Variants in UBE2E1 observed in about 807,000 individuals in gnomAD.
UBE2E1 encodes ubiquitin conjugating enzyme E2 E1.
In UBE2E1, 6 loss-of-function variants were observed where a neutral mutation model predicts 21.4. That is an observed-to-expected ratio of 0.28 (90% CI 0.15 to 0.55). The LOEUF (loss-of-function observed/expected upper bound fraction) is 0.55, where lower values mean the gene tolerates loss of function less well. UBE2E1 is among the 20% of genes least tolerant of loss of function. UBE2E1 has a pLI of 0.93. For missense variants in UBE2E1, 142 were observed against 236.5 expected (o/e 0.60, Z 2.62); for synonymous variants, 87 against 82.7 (o/e 1.05, Z -0.28).
intron 5 of UBE2E1, 120 bp downstream of exon 5, chr3:23,889,379 T>C (rs775745184): frequency 1.0e-5 from 16 of 1,532,166 alleles, no homozygotes; most frequent in Non-Finnish European, 1.3e-5. Context: ...CAAAAACTAA[T>C]CGGCTTTTCA....
intron 3 of UBE2E1, among the ~76,000 whole-genome samples, chr3:23,885,280 C>T (rs1275832438): frequency 1.3e-5 from 2 of 152,100 alleles, no homozygotes; most frequent in African/African-American, 4.8e-5. Context: ...CTCCTAATAC[C>T]GTCACATTGA....
intron 3 of UBE2E1, among the ~76,000 whole-genome samples, chr3:23,817,612 G>A (rs1407004457): frequency 6.6e-6 from 1 of 152,084 alleles, no homozygotes; most frequent in Admixed American, 6.5e-5. Context: ...TTTGACTTGG[G>A]TTTGAGGGAT....
chr3:23,878,542 G>A (rs1336449915), intron 3 of UBE2E1, among the ~76,000 whole-genome samples: 1 of 152,222 alleles, frequency 6.6e-6, no homozygotes, highest in African/African-American at 2.4e-5. Flanking sequence ...GGCCAGCTGA[G>A]TGAAGCTCCA....
chr3:23,850,747 T>G (rs780299254), intron 3 of UBE2E1, among the ~76,000 whole-genome samples: 1 of 148,346 alleles, frequency 6.7e-6, no homozygotes, highest in Non-Finnish European at 1.5e-5. Flanking sequence ...TGTGGCATGA[T>G]CATGGCTGTC....
intron 3 of UBE2E1, among the ~76,000 whole-genome samples, chr3:23,849,519 T>C (rs1700278449): frequency 1.3e-5 from 2 of 152,132 alleles, no homozygotes; most frequent in African/African-American, 4.8e-5. Flanking sequence ...CCCCTCACCC[T>C]CTGACAGGCC....
chr3:23,879,061 A>G (rs1030819076), intron 3 of UBE2E1: 11 of 502,850 alleles, frequency 2.2e-5, no homozygotes, highest in African/African-American at 2.0e-5. Context: ...CTTGCCAACA[A>G]TGTATCAGTT....
intron 3 of UBE2E1, among the ~76,000 whole-genome samples, chr3:23,857,434 G>A (rs956149709): frequency 1.3e-5 from 2 of 152,172 alleles, no homozygotes; most frequent in African/African-American, 4.8e-5. Context: ...TTGAAGTTGA[G>A]GTAGCAAGGA....
Position 23,810,506 on chromosome 3 carries a change from A to G in UBE2E1, c.153-954A>G, listed in dbSNP as rs1010233459. Reference sequence around the variant, plus strand: ...GGAAGTGGGCAGACCCCGGGAAGTTAGAGGACGCCCGGGGAAAAGCAGGTC... The same window carrying G: ...GGAAGTGGGCAGACCCCGGGAAGTTGGAGGACGCCCGGGGAAAAGCAGGTC... On this transcript the variant is annotated intron_variant, in intron 2 of 5. Coordinates refer to ENST00000306627, the MANE Select transcript of UBE2E1 (RefSeq NM_003341.5). This position sits in a 1 kb window ranked among gnomAD's most constrained non-coding sequence, Gnocchi z 5.8. 1 of 1,535,492 alleles carries G rather than the reference A, an allele frequency of 6.5e-7. No homozygotes were observed. Among genetic ancestry groups the G allele is most frequent in the African/African-American group, 1.4e-5 (1 of 73,006 alleles).
At chr3:23,882,862 A>G (rs1399909444) in intron 3 of UBE2E1, among the ~76,000 whole-genome samples, 3 of 152,180 alleles carry the variant, frequency 2.0e-5, no homozygotes, top group South Asian at 2.1e-4. Flanking sequence ...CCCACCCGGA[A>G]CTCTCGCTGT....
Position 23,812,078 on chromosome 3 carries a change from CTG to C in UBE2E1, c.203+570_203+571del, listed in dbSNP as rs78275984. Among the ~76,000 whole-genome samples the C allele has an allele frequency of 2.7e-3, 416 of 152,124 alleles. 10 individuals are homozygous for C. The East Asian group carries it at 0.04, about 15-fold the overall frequency. ...GTTTTTTTCACTTGCTTTATTCAGA[CTG>C]TATACATATGTGTGTTTCAGTTTCA... On this transcript the variant is annotated intron_variant, in intron 3 of 5. Coordinates refer to ENST00000306627, the MANE Select transcript of UBE2E1 (RefSeq NM_003341.5).
At position 23,889,229 on chromosome 3, in the gene UBE2E1, A is replaced by G; in HGVS notation, c.454A>G (p.Ile152Val). Reference sequence around the variant, plus strand: ...AACCATTTCTAAAGTCCTCCTTTCTATCTGCTCACTTCTTACAGACTGTAA... The same window carrying G: ...AACCATTTCTAAAGTCCTCCTTTCTGTCTGCTCACTTCTTACAGACTGTAA... ...ALTISKVLLSICSLLTDCNPA... is the reference protein window; with the variant it reads ...ALTISKVLLSVCSLLTDCNPA... The change falls in exon 5 of 6, where the codon ATC (isoleucine) becomes GTC (valine). Residue 152 changes from isoleucine (I) to valine (V), a missense_variant. Transcript: ENST00000306627. The G allele has an allele frequency of 6.2e-7, 1 of 1,613,896 alleles. No homozygotes were observed. The highest frequency in any genetic ancestry group is 8.5e-7 in the Non-Finnish European group (1 of 1,179,974).
rs1465146667 is a variant in UBE2E1, at chr3:23,823,683, A to G, written c.203+12173A>G. Among the ~76,000 whole-genome samples the G allele has an allele frequency of 6.6e-6, 1 of 152,252 alleles. No individual in the cohort carries two copies. The highest frequency in any genetic ancestry group is 2.4e-5 in the African/African-American group (1 of 41,466). On this transcript the variant is annotated intron_variant, in intron 3 of 5. Transcript: ENST00000306627. This position sits in a 1 kb window ranked among gnomAD's most constrained non-coding sequence, Gnocchi z 4.2. ...AAAAGAAAACATTTGTTTTATTACA[A>G]GCACCCAGGAGGATTTTTTATAAAC...
At chr3:23,815,336 GC>G (rs1699492860) in intron 3 of UBE2E1, among the ~76,000 whole-genome samples, 1 of 152,074 alleles carries the variant, frequency 6.6e-6, no homozygotes, top group Non-Finnish European at 1.5e-5. Context: ...TCTTTTGATA[GC>G]TTTTTTTTCC....
rs544704476 is a variant in UBE2E1, at chr3:23,887,015, T to C, written c.204-552T>C. On this transcript the variant is annotated intron_variant, in intron 3 of 5. Transcript: ENST00000306627. This position sits in a 1 kb window ranked among gnomAD's most constrained non-coding sequence, Gnocchi z 4.4. ...TATAGAATACACATTGAAATGAAAA[T>C]TGAATAACCTGTAACTGGATACTTA... 9.2e-5 allele frequency among the ~76,000 whole-genome samples: 14 copies of C among 152,278 alleles called. 1 individual carries two copies. The South Asian group carries it at 1.7e-3, about 18-fold the overall frequency.
At chr3:23,837,387 C>G (rs1392934677) in intron 3 of UBE2E1, among the ~76,000 whole-genome samples, 4 of 152,188 alleles carry the variant, frequency 2.6e-5, no homozygotes, top group African/African-American at 9.7e-5. Flanking sequence ...AGCACTAATA[C>G]TTGAGAAGCT....
chr3:23,882,131 AGCAGGTTGCCACTGCTGGCTCTG>A (rs1701058638), intron 3 of UBE2E1, among the ~76,000 whole-genome samples: 1 of 152,206 alleles, frequency 6.6e-6, no homozygotes, highest in African/African-American at 2.4e-5. Context: ...AGGGGGCCTG[AGCAGGTTGCCACTGCTGGCTCTG>A]GCAGCCTGCT....
intron 3 of UBE2E1, among the ~76,000 whole-genome samples, chr3:23,860,112 T>C (rs1296163880): frequency 6.6e-6 from 1 of 152,236 alleles, no homozygotes; most frequent in Non-Finnish European, 1.5e-5. Context: ...CATTTTGCTC[T>C]ACCAGACTGA....
intron 3 of UBE2E1, among the ~76,000 whole-genome samples, chr3:23,871,694 G>A (rs867202560): frequency 7.3e-4 from 111 of 151,538 alleles, no homozygotes; most frequent in Admixed American, 1.4e-3. Flanking sequence ...CCTCCCAGAC[G>A]GGGTCGCGGC....
chr3:23,858,997 C>T (rs1472890262), intron 3 of UBE2E1, among the ~76,000 whole-genome samples: 1 of 152,182 alleles, frequency 6.6e-6, no homozygotes, highest in African/African-American at 2.4e-5. Flanking sequence ...CCCCACCCCC[C>T]AATTTGGCTG....
Sources: allele counts gnomAD v4.1 joint callset (sites outside exome capture counted in the v4.1 genomes callset), GRCh38; gene constraint gnomAD v4.1.1; non-coding constraint Gnocchi (gnomAD v3.1); transcripts MANE v1.5; gene names NCBI Gene and HGNC (gene_info 2026-07-23, HGNC 2026-07-21).